Variants in CBARP observed in about 807,000 individuals in gnomAD.
The protein encoded by CBARP is CACN subunit beta associated regulatory protein.
Under a neutral mutation model 36.3 loss-of-function variants are expected in CBARP, and 24 were observed. The ratio of observed to expected loss-of-function variants is 0.66; its 90% CI spans 0.48 to 0.93. CBARP has a LOEUF of 0.93. Ranked by LOEUF, CBARP falls within the 40% of genes least tolerant of loss-of-function variation. The pLI, the probability that CBARP is intolerant of heterozygous loss-of-function variation, is 0.00. For synonymous variants in CBARP, 586 were observed against 453.2 expected (o/e 1.29, Z -3.72); for missense variants, 1,146 against 980.4 (o/e 1.17, Z -2.26).
intron 8 of CBARP, 31 bp downstream of exon 8, chr19:1,233,395 G>A (rs1357197717): frequency 8.4e-6 from 13 of 1,540,476 alleles, no homozygotes; most frequent in African/African-American, 1.4e-5. Flanking sequence ...AGCCCACAGG[G>A]GCCCACTCTC....
intron 1 of CBARP, among the ~76,000 whole-genome samples, chr19:1,237,145 C>T (rs2080986519): frequency 6.6e-6 from 1 of 152,204 alleles, no homozygotes. Context: ...GCACAGGCGG[C>T]AGCCGCTCCT....
chr19:1,228,839 T>G lies in CBARP; in HGVS notation c.*340A>C, dbSNP rs1449807137. The G allele has an allele frequency of 2.7e-5, 4 of 147,470 alleles. No homozygotes were observed. Among genetic ancestry groups the G allele is most frequent in the Non-Finnish European group, 4.5e-5 (3 of 66,226 alleles). 9.1% of individuals were successfully genotyped at this position (147,470 alleles called of 1,614,324 possible). ...ACTAAGCGGCCGCCCCGTCCGGGAC[T>G]GAGGGCGAGTGATCGTTGTCCTCAG... On this transcript the variant is annotated 3_prime_UTR_variant, in exon 10 of 10. Transcript: ENST00000650044.
chr19:1,236,414 A>C (rs2145461069), intron 1 of CBARP, among the ~76,000 whole-genome samples: 1 of 152,300 alleles, frequency 6.6e-6, no homozygotes, highest in South Asian at 2.1e-4. Context: ...CTGTCCTGCA[A>C]GGTAGCGCCA....
chr19:1,229,619 A>G lies in CBARP; in HGVS notation c.1678T>C (p.Phe560Leu). The change falls in exon 10 of 10, where the codon TTC becomes CTC. Residue 560 changes from phenylalanine to leucine, a missense_variant. By Grantham distance (22) the Phe-to-Leu change is conservative. Coordinates refer to ENST00000650044, the MANE Select transcript of CBARP (RefSeq NM_001393918.1). This position sits in a 1 kb window ranked among gnomAD's most constrained non-coding sequence, Gnocchi z 5.1. The stretch of plus-strand genomic sequence containing the variant: ...CGCGCGGCAGCCGGCGTGTCGTCGA[A>G]GTGCGGGTCGTGGCGCAGGAACTCG... ...FHEFLRHDPHFDDTPAAARHR... is the reference protein window; with the variant it reads ...FHEFLRHDPHLDDTPAAARHR... The G allele has an allele frequency of 8.3e-7, 1 of 1,201,640 alleles. No individual in the cohort carries two copies. The highest frequency in any genetic ancestry group is 1.1e-6 in the Non-Finnish European group (1 of 948,262). 74.4% of individuals were successfully genotyped at this position (1,201,640 alleles called of 1,614,324 possible). A position where few individuals can be genotyped will look rare whatever the true frequency, so the allele number is the denominator to read the frequency against.
rs995422130 is a variant in CBARP at position 1,228,342 on chromosome 19, G to A, written c.*837C>T. The A allele has an allele frequency of 2.0e-5, 5 of 247,676 alleles. No homozygotes were observed. The highest frequency in any genetic ancestry group is 3.8e-5 in the Non-Finnish European group (5 of 131,792). The allele number at this position is 247,676 out of a possible 1,614,324, so 15.3% of individuals were successfully genotyped here. ...AGAAAAACACGAGAAACGCCATCGC[G>A]GGATGGTGCAGACGCGGCGGGGACT... is the stretch of plus-strand genomic sequence containing the variant. On this transcript the variant is annotated 3_prime_UTR_variant, in exon 10 of 10. Transcript: ENST00000650044.
At chr19:1,230,614 A>C in intron 9 of CBARP, 1 of 1,216,932 alleles carries the variant, frequency 8.2e-7, no homozygotes, top group Non-Finnish European at 1.0e-6. Context: ...TGCCCCAGGA[A>C]CCCTGCTCTG....
rs1253803479 is a variant in CBARP, at chr19:1,229,329, G to A, written c.1968C>T (p.Gly656=). ...CCGACCCGGATGGTAGGACGCACAG[G>A]CCCGAGCCGGGGCACCCCCCGCCGC... is the stretch of plus-strand genomic sequence containing the variant. ...EPGGGGCPGS[G]LCVLPSGSVL... Residue 656 remains glycine (G), a synonymous_variant, in exon 10 of 10, where the codon GGC becomes GGT. Transcript: ENST00000650044. The surrounding 1 kb of genome is among the most constrained non-coding windows in gnomAD (Gnocchi z 5.1). 20 of 1,226,200 alleles carry A rather than the reference G, an allele frequency of 1.6e-5. No homozygotes were observed. The highest frequency in any genetic ancestry group is 1.4e-5 in the Non-Finnish European group (13 of 959,424). The allele number at this position is 1,226,200 out of a possible 1,614,324, so 76.0% of individuals were successfully genotyped here.
At position 1,234,638 on chromosome 19, in the gene CBARP, C is replaced by T; in HGVS notation, c.560G>A (p.Gly187Asp). ...GGGCGTGGTGGCTGAGCTGGCCTCG[C>T]CTGAGTCACACTCGTGGATGGTGAC... ...KIVTIHECDSGEASSATTPHP... is the reference protein window; with the variant it reads ...KIVTIHECDSDEASSATTPHP... The change falls in exon 6 of 10, where the codon GGC (glycine) becomes GAC (aspartate). Residue 187 changes from glycine (G) to aspartate (D), a missense_variant. By Grantham distance (94) the Gly-to-Asp change is moderately conservative. Transcript: ENST00000650044. The T allele has an allele frequency of 1.2e-6, 2 of 1,610,968 alleles. No individual in the cohort carries two copies. Among genetic ancestry groups the T allele is most frequent in the Non-Finnish European group, 8.5e-7 (1 of 1,179,066 alleles).
Position 1,236,135 on chromosome 19 carries a change from G to T in CBARP, c.-21-14C>A, listed in dbSNP as rs760622232. 2 of 1,409,562 alleles carry T rather than the reference G, an allele frequency of 1.4e-6. No individual in the cohort carries two copies. Among genetic ancestry groups the T allele is most frequent in the Non-Finnish European group, 1.8e-6 (2 of 1,086,102 alleles). The allele number at this position is 1,409,562 out of a possible 1,614,324, so 87.3% of individuals were successfully genotyped here. The stretch of plus-strand genomic sequence containing the variant: ...GGGAGGAGGGCCCTGTGGGGAGGAA[G>T]CCTGGTCAGCTCCAGCTAGACCTAC... On this transcript the variant is annotated splice_polypyrimidine_tract_variant and intron_variant, in intron 1 of 9. Transcript: ENST00000650044.
At position 1,229,128 on chromosome 19, in the gene CBARP, C is replaced by T. The variant is rs2080855787; in HGVS notation, c.*51G>A. On this transcript the variant is annotated 3_prime_UTR_variant, in exon 10 of 10. Coordinates refer to ENST00000650044, the MANE Select transcript of CBARP (RefSeq NM_001393918.1). The surrounding 1 kb of genome is among the most constrained non-coding windows in gnomAD (Gnocchi z 5.1). Reference sequence around the variant, plus strand: ...CCCACGTCTCTCCCGCCGCCGAGGCCCCGTGCGGCGCCGGAGAAGCTGCCA... The same window carrying T: ...CCCACGTCTCTCCCGCCGCCGAGGCTCCGTGCGGCGCCGGAGAAGCTGCCA... 1.3e-6 allele frequency: 1 copy of T among 797,242 alleles called. No individual in the cohort carries two copies. The highest frequency in any genetic ancestry group is 1.5e-6 in the Non-Finnish European group (1 of 645,966). 49.4% of individuals were successfully genotyped at this position (797,242 alleles called of 1,614,324 possible). A position where few individuals can be genotyped will look rare whatever the true frequency, so the allele number is the denominator to read the frequency against.
rs1395553481 is a variant in CBARP at position 1,230,101 on chromosome 19, G to T, written c.1196C>A (p.Ser399Tyr). 3.7e-6 allele frequency: 4 copies of T among 1,078,136 alleles called. No homozygotes were observed. Among genetic ancestry groups the T allele is most frequent in the Non-Finnish European group, 4.5e-6 (4 of 883,460 alleles). The allele number at this position is 1,078,136 out of a possible 1,614,324, so 66.8% of individuals were successfully genotyped here. ...GCTGCCCGCGCCGCGCTCCGGGGGG[G>T]AATCGGGGCTCGCTCCTCCCGCTGC... ...AEAAGGASPDSPPERGAGSAG... is the reference protein window; with the variant it reads ...AEAAGGASPDYPPERGAGSAG... Residue 399 changes from serine to tyrosine, a missense_variant, in exon 10 of 10, where the codon TCC (serine) becomes TAC (tyrosine). Physicochemically the swap from Ser to Tyr is moderately radical, Grantham distance 144 (BLOSUM62 -2). Coordinates refer to ENST00000650044, the MANE Select transcript of CBARP (RefSeq NM_001393918.1).
chr19:1,234,170 G>A (rs975685235), intron 7 of CBARP, 21 bp downstream of exon 7: 2 of 1,496,614 alleles, frequency 1.3e-6, no homozygotes, highest in African/African-American at 1.4e-5. Flanking sequence ...GACACCATGG[G>A]GGACACGCAG....
In CBARP at chr19:1,230,075, C is replaced by A. The variant is rs943349765; in HGVS notation, c.1222G>T (p.Ala408Ser). The change falls in exon 10 of 10, where the codon GCG becomes TCG. Residue 408 changes from alanine (A) to serine (S), a missense_variant. By Grantham distance (99) the Ala-to-Ser change is moderately conservative. Coordinates refer to ENST00000650044, the MANE Select transcript of CBARP (RefSeq NM_001393918.1). ...DSPPERGAGS[A>S]GPEQQQPPLE... Reference sequence around the variant, plus strand: ...GGCGGCTGCTGCTGCTCAGGCCCCGCGCTGCCCGCGCCGCGCTCCGGGGGG... The same window carrying A: ...GGCGGCTGCTGCTGCTCAGGCCCCGAGCTGCCCGCGCCGCGCTCCGGGGGG... The A allele has an allele frequency of 2.9e-5, 33 of 1,130,092 alleles. No individual in the cohort carries two copies. The highest frequency in any genetic ancestry group is 5.0e-5 in the Admixed American group (1 of 19,846). 70.0% of individuals were successfully genotyped at this position (1,130,092 alleles called of 1,614,324 possible).
chr19:1,228,699 C>T lies in CBARP; in HGVS notation c.*480G>A, dbSNP rs1185425116. The T allele has an allele frequency of 6.7e-6, 1 of 149,776 alleles. No homozygotes were observed. The highest frequency in any genetic ancestry group is 1.5e-5 in the Non-Finnish European group (1 of 67,352). 9.3% of individuals were successfully genotyped at this position (149,776 alleles called of 1,614,324 possible). On this transcript the variant is annotated 3_prime_UTR_variant, in exon 10 of 10. Coordinates refer to ENST00000650044, the MANE Select transcript of CBARP (RefSeq NM_001393918.1). ...TCCCGGCCCAGGGCGGCGAACTCGT[C>T]TGCGACCGTTAGCGCCCCGCGGCCC...
rs140333414 is a variant in CBARP, at chr19:1,231,646, G to A, written c.980-371C>T. Among the ~76,000 whole-genome samples, 155 of 129,024 alleles carry A rather than the reference G, an allele frequency of 1.2e-3. 2 individuals carry two copies. Among genetic ancestry groups the A allele is most frequent in the Middle Eastern group, 8.8e-3 (2 of 226 alleles). 84.6% of individuals were successfully genotyped at this position (129,024 alleles called of 152,430 possible). On this transcript the variant is annotated intron_variant, in intron 8 of 9. Coordinates refer to ENST00000650044, the MANE Select transcript of CBARP (RefSeq NM_001393918.1). ...GTACCCTCCTACACACAGAACACCTGTGGCCCCCACACACACACAACGCGT... is the reference window on the plus strand; with the variant it reads ...GTACCCTCCTACACACAGAACACCTATGGCCCCCACACACACACAACGCGT...
At chr19:1,237,203 C>G (rs547983720) in intron 1 of CBARP, among the ~76,000 whole-genome samples, 4 of 152,348 alleles carry the variant, frequency 2.6e-5, no homozygotes, top group Admixed American at 6.5e-5. Context: ...AACTGAGGCC[C>G]AAAGCCGGGC....
At chr19:1,231,457 G>T (rs1286456536) in intron 8 of CBARP, among the ~76,000 whole-genome samples, 182 bp from the exon 9 acceptor site, 1 of 83,460 alleles carries the variant, frequency 1.2e-5, no homozygotes, top group Non-Finnish European at 2.2e-5. Flanking sequence ...ACAACGCCTG[G>T]GCCCCCCCCA....
At chr19:1,234,881 G>C in intron 5 of CBARP, 120 bp downstream of exon 5, 3 of 1,499,834 alleles carry the variant, frequency 2.0e-6, no homozygotes, top group Non-Finnish European at 2.7e-6. Context: ...CCCACCCCAC[G>C]GTCCCAGTCC....
intron 8 of CBARP, among the ~76,000 whole-genome samples, 173 bp from the exon 9 acceptor site, chr19:1,231,448 CAACGCCTGGGCCCCCCCCACACACAG>C: frequency 8.7e-6 from 1 of 115,002 alleles, no homozygotes; most frequent in African/African-American, 3.3e-5. Flanking sequence ...CCCACACATA[CAACGCCTGGGCCCCCCCCACACACAG>C]AACGCCTGTG....
Sources: allele counts gnomAD v4.1 joint callset (sites outside exome capture counted in the v4.1 genomes callset), GRCh38; gene constraint gnomAD v4.1.1; non-coding constraint Gnocchi (gnomAD v3.1); transcripts MANE v1.5; gene names NCBI Gene and HGNC (gene_info 2026-07-23, HGNC 2026-07-21).